RNGTT: variants seen among roughly 807,000 people sequenced by gnomAD.
The protein encoded by RNGTT is mRNA-capping enzyme.
RNGTT carries 33 observed loss-of-function variants against 79.3 expected under a neutral mutation model. The observed-to-expected ratio is 0.42, with a 90% CI of 0.32 to 0.56. The LOEUF is 0.56. Ranked by LOEUF, RNGTT falls within the 20% of genes least tolerant of loss-of-function variation. The pLI, the probability that RNGTT is intolerant of heterozygous loss-of-function variation, is 0.17. For missense variants in RNGTT, 497 were observed against 739.1 expected (o/e 0.67, Z 3.80); for synonymous variants, 222 against 235.9 (o/e 0.94, Z 0.54).
intron 12 of RNGTT, among the ~76,000 whole-genome samples, chr6:88,775,717 C>T (rs546089677): frequency 6.6e-6 from 1 of 152,136 alleles, no homozygotes; most frequent in African/African-American, 2.4e-5. Flanking sequence ...CAAGTAGCTT[C>T]ATAATAGGTG....
intron 14 of RNGTT, among the ~76,000 whole-genome samples, chr6:88,650,875 T>C (rs1773770067): frequency 6.6e-6 from 1 of 152,134 alleles, no homozygotes; most frequent in Non-Finnish European, 1.5e-5. Flanking sequence ...ATACATGACA[T>C]AGTAAACTTC....
At chr6:88,681,062 T>C (rs1298657543) in intron 13 of RNGTT, among the ~76,000 whole-genome samples, 2 of 152,200 alleles carry the variant, frequency 1.3e-5, no homozygotes, top group African/African-American at 4.8e-5. Context: ...AATTGAATGT[T>C]AGTTATATAT....
chr6:88,686,660 A>C (rs1262665876), intron 13 of RNGTT, among the ~76,000 whole-genome samples: 3 of 152,160 alleles, frequency 2.0e-5, no homozygotes, highest in Non-Finnish European at 4.4e-5. Context: ...GGCACTGCAG[A>C]GCAGAAGTGA....
At chr6:88,851,436 G>C (rs945718910) in intron 9 of RNGTT, among the ~76,000 whole-genome samples, 1 of 151,792 alleles carries the variant, frequency 6.6e-6, no homozygotes, top group African/African-American at 2.4e-5. Flanking sequence ...TCAACAATAA[G>C]CATGTAGTGT....
chr6:88,904,615 C>G, intron 6 of RNGTT, 100 bp downstream of exon 6: 1 of 1,350,208 alleles, frequency 7.4e-7, no homozygotes, highest in Non-Finnish European at 1.0e-6. Flanking sequence ...ATCTGACAAA[C>G]CTAGCTAAAG....
At chr6:88,802,900 T>A (rs1231907759) in intron 11 of RNGTT, among the ~76,000 whole-genome samples, 1 of 152,168 alleles carries the variant, frequency 6.6e-6, no homozygotes, top group Admixed American at 6.5e-5. Flanking sequence ...TTCAGGATAG[T>A]TCTAGGATTC....
At chr6:88,928,937 A>T in intron 4 of RNGTT, 48 bp downstream of exon 4, 1 of 1,390,832 alleles carries the variant, frequency 7.2e-7, no homozygotes. Context: ...ACAGAAACCT[A>T]ACTGCAAAAT....
chr6:88,695,479 C>A (rs1418915139), intron 13 of RNGTT, among the ~76,000 whole-genome samples: 1 of 152,072 alleles, frequency 6.6e-6, no homozygotes, highest in Non-Finnish European at 1.5e-5. Context: ...ATACCTACCA[C>A]CACATTTTCA....
chr6:88,705,770 T>C (rs553951008), intron 13 of RNGTT, among the ~76,000 whole-genome samples: 12 of 152,262 alleles, frequency 7.9e-5, no homozygotes, highest in East Asian at 3.9e-4. Flanking sequence ...AGTGAATTTA[T>C]TGCTGTGGTC....
At chr6:88,916,635 T>C (rs1784008570) in intron 4 of RNGTT, among the ~76,000 whole-genome samples, 1 of 152,224 alleles carries the variant, frequency 6.6e-6, no homozygotes, top group Admixed American at 6.5e-5. Flanking sequence ...TTCATCAATA[T>C]GGCCTTGTTC....
intron 14 of RNGTT, among the ~76,000 whole-genome samples, chr6:88,642,202 A>C (rs573410832): frequency 2.1e-4 from 32 of 152,348 alleles, no homozygotes; most frequent in African/African-American, 7.7e-4. Flanking sequence ...GACAGCTGAC[A>C]GCAAATCACT....
At chr6:88,665,541 T>C (rs937062161) in intron 14 of RNGTT, among the ~76,000 whole-genome samples, 9 of 152,286 alleles carry the variant, frequency 5.9e-5, no homozygotes, top group Non-Finnish European at 5.9e-5. Context: ...GTACACATTG[T>C]TGGGGTTATT....
intron 13 of RNGTT, among the ~76,000 whole-genome samples, chr6:88,740,589 G>T (rs1777453887): frequency 6.6e-6 from 1 of 152,066 alleles, no homozygotes; most frequent in Non-Finnish European, 1.5e-5. Flanking sequence ...CCATAAAAAT[G>T]AATGAGATCA....
chr6:88,945,514 C>T (rs978150523), intron 1 of RNGTT, among the ~76,000 whole-genome samples: 2 of 152,174 alleles, frequency 1.3e-5, no homozygotes, highest in Middle Eastern at 3.2e-3. Context: ...TCTAGCTATT[C>T]GTCCTCAACT....
chr6:88,696,140 C>T (rs938271193), intron 13 of RNGTT, among the ~76,000 whole-genome samples: 1 of 152,104 alleles, frequency 6.6e-6, no homozygotes, highest in African/African-American at 2.4e-5. Context: ...GCTAAGACAG[C>T]AAATTTCAAA....
chr6:88,682,854 T>G (rs890672337), intron 13 of RNGTT, among the ~76,000 whole-genome samples: 1 of 152,194 alleles, frequency 6.6e-6, no homozygotes, highest in African/African-American at 2.4e-5. Flanking sequence ...AAAATCTCCA[T>G]GTCTGTAAAG....
chr6:88,904,750 A>T lies in RNGTT; in HGVS notation c.649T>A (p.Ser217Thr). Residue 217 changes from serine (S) to threonine (T), a missense_variant, in exon 6 of 16, where the codon TCT becomes ACT. Transcript: ENST00000369485. ...CGTTCTTTTCTCCTTTTGCCAAAAG[A>T]AGCACTTGACCCGGGTTCTGATTCC... ...KKESEPGSSASFGKRRKERLK... is the reference protein window; with the variant it reads ...KKESEPGSSATFGKRRKERLK... 6.2e-7 allele frequency: 1 copy of T among 1,613,976 alleles called. No homozygotes were observed. The highest frequency in any genetic ancestry group is 8.5e-7 in the Non-Finnish European group (1 of 1,179,978).
chr6:88,945,592 C>G (rs1403660769), intron 1 of RNGTT, among the ~76,000 whole-genome samples: 2 of 152,100 alleles, frequency 1.3e-5, no homozygotes, highest in South Asian at 2.1e-4. Context: ...CACTGTGGAC[C>G]TTCTCTACTC....
At chr6:88,694,878 A>C (rs979977738) in intron 13 of RNGTT, among the ~76,000 whole-genome samples, 3 of 152,032 alleles carry the variant, frequency 2.0e-5, no homozygotes, top group African/African-American at 7.2e-5. Flanking sequence ...GCCCAGCACA[A>C]AGGCCCTAAT....
Sources: gnomAD v4.1 joint callset for allele counts (sites outside exome capture counted in the v4.1 genomes callset) on GRCh38, gnomAD v4.1.1 for gene constraint, MANE v1.5 for transcripts, NCBI Gene and HGNC (gene_info 2026-07-23, HGNC 2026-07-21) for gene names.